Variants in GAD1 observed in about 807,000 individuals in gnomAD.
GAD1 encodes the protein glutamate decarboxylase 1.
A neutral mutation model predicts 75.2 loss-of-function variants in GAD1; 35 were observed. That is an observed-to-expected ratio of 0.47 (90% CI 0.36 to 0.62). GAD1 has a LOEUF of 0.62. Among genes scored for constraint, GAD1 ranks in the 20% least tolerant of loss-of-function variants. The pLI, the probability that GAD1 is intolerant of heterozygous loss-of-function variation, is 0.00. For missense variants in GAD1, 490 were observed against 758.5 expected, an observed-to-expected ratio of 0.65 and a Z score of 4.16; for synonymous variants, 257 against 271.9, an observed-to-expected ratio of 0.95 and a Z score of 0.54.
chr2:170,822,092 G>A lies in GAD1; in HGVS notation c.88G>A (p.Asp30Asn), dbSNP rs112046206. 2.5e-6 allele frequency: 4 copies of A among 1,609,978 alleles called. No homozygotes were observed. The highest frequency in any genetic ancestry group is 3.4e-5 in the Admixed American group (2 of 59,656). The change falls in exon 3 of 17, where the codon GAT (aspartate) becomes AAT (asparagine). Residue 30 changes from aspartate (D) to asparagine (N), a missense_variant. Coordinates refer to ENST00000358196, the MANE Select transcript of GAD1 (RefSeq NM_000817.3). The stretch of plus-strand genomic sequence containing the variant: ...CTCCCTCTCTCTCGTCCTAGCGTAC[G>A]ATACCTGGTGCGGCGTGGCCCATGG... Reference protein sequence around the residue: ...NTTNLRPTTYDTWCGVAHGCT... With the variant: ...NTTNLRPTTYNTWCGVAHGCT...
At chr2:170,819,888 G>A (rs1249328520) in intron 2 of GAD1, among the ~76,000 whole-genome samples, 1 of 152,166 alleles carries the variant, frequency 6.6e-6, no homozygotes, top group Admixed American at 6.5e-5. Context: ...GCTGGCATTG[G>A]CTCCCGGGCA....
rs1446742034 is a variant in GAD1 at position 170,860,802 on chromosome 2, T to A, written c.*920T>A. On this transcript the variant is annotated 3_prime_UTR_variant, in exon 17 of 17. Transcript: ENST00000358196. ...AAGCATTTTACTGTCTGTAAGAGAA[T>A]TCTAAGATTGTACATAAAGTCATAT... 6.5e-6 allele frequency: 1 copy of A among 152,682 alleles called. No individual in the cohort carries two copies. The highest frequency in any genetic ancestry group is 1.9e-4 in the East Asian group (1 of 5,198). 9.5% of individuals were successfully genotyped at this position (152,682 alleles called of 1,614,324 possible). A position where few individuals can be genotyped will look rare whatever the true frequency, so the allele number is the denominator to read the frequency against.
At position 170,817,063 on chromosome 2, in the gene GAD1, G is replaced by T. The variant is rs921616586; in HGVS notation, c.-64+15G>T. 1 of 161,272 alleles carries T rather than the reference G, an allele frequency of 6.2e-6. No homozygotes were observed. The highest frequency in any genetic ancestry group is 1.3e-5 in the Non-Finnish European group (1 of 74,150). 10.0% of individuals were successfully genotyped at this position (161,272 alleles called of 1,614,324 possible). Reference sequence around the variant, plus strand: ...GCAGAGCCGAGGTGGGTAAGCTAGCGACCACCTGGACTTCCCAGCGCCCAA... The same window carrying T: ...GCAGAGCCGAGGTGGGTAAGCTAGCTACCACCTGGACTTCCCAGCGCCCAA... On this transcript the variant is annotated intron_variant, in intron 1 of 16. Coordinates refer to ENST00000358196, the MANE Select transcript of GAD1 (RefSeq NM_000817.3).
upstream of GAD1, among the ~76,000 whole-genome samples, chr2:170,813,635 T>G: frequency 6.6e-6 from 1 of 152,228 alleles, no homozygotes; most frequent in East Asian, 1.9e-4. Context: ...GCAGCCCGTT[T>G]GGGCGCTCCT....
In GAD1 at chr2:170,847,174, A is replaced by G. The variant is rs555949107; in HGVS notation, c.1003-502A>G. 1.1e-4 allele frequency among the ~76,000 whole-genome samples: 16 copies of G among 152,292 alleles called. No individual in the cohort carries two copies. The East Asian group carries it at 2.3e-3, about 22-fold the overall frequency. On this transcript the variant is annotated intron_variant, in intron 10 of 16. Coordinates refer to ENST00000358196, the MANE Select transcript of GAD1 (RefSeq NM_000817.3). Reference sequence around the variant, plus strand: ...CTTTTTTAAATAATTGAACCCCACAATGTTTCAGTATAATTATTATATCAA... The same window carrying G: ...CTTTTTTAAATAATTGAACCCCACAGTGTTTCAGTATAATTATTATATCAA...
rs558737123 is a variant in GAD1, at chr2:170,855,352, G to C, written c.1413+1330G>C. On this transcript the variant is annotated intron_variant, in intron 14 of 16. Coordinates refer to ENST00000358196, the MANE Select transcript of GAD1 (RefSeq NM_000817.3). The stretch of plus-strand genomic sequence containing the variant: ...GCCTTCCAAGTAGCTGAGATTACAG[G>C]CATGCGCCACCATGCCCATCTAATT... Among the ~76,000 whole-genome samples the C allele has an allele frequency of 2.0e-5, 3 of 151,708 alleles. No individual in the cohort carries two copies. In the East Asian group the frequency reaches 5.9e-4, roughly 30 times the overall value.
intron 5 of GAD1, among the ~76,000 whole-genome samples, chr2:170,835,882 T>C: frequency 6.6e-6 from 1 of 152,226 alleles, no homozygotes; most frequent in Non-Finnish European, 1.5e-5. Flanking sequence ...ATCTAGAATA[T>C]GGCCCCATAC....
Position 170,847,810 on chromosome 2 carries a change from C to A in GAD1, c.1119+18C>A. 6.5e-7 allele frequency: 1 copy of A among 1,540,440 alleles called. No homozygotes were observed. The highest frequency in any genetic ancestry group is 9.0e-7 in the Non-Finnish European group (1 of 1,112,734). Reference sequence around the variant, plus strand: ...ATGTCGATGTAAGTGCTATATAACTCAGGCCAGTCCATGTGGGGGGTGGAG... The same window carrying A: ...ATGTCGATGTAAGTGCTATATAACTAAGGCCAGTCCATGTGGGGGGTGGAG... On this transcript the variant is annotated intron_variant, in intron 11 of 16. Coordinates refer to ENST00000358196, the MANE Select transcript of GAD1 (RefSeq NM_000817.3).
intron 3 of GAD1, among the ~76,000 whole-genome samples, chr2:170,825,435 G>A (rs1266393711): frequency 6.6e-6 from 1 of 152,216 alleles, no homozygotes; most frequent in African/African-American, 2.4e-5. Flanking sequence ...CTCCGTCTAT[G>A]CATATGCAAT....
chr2:170,829,609 G>A lies in GAD1; in HGVS notation c.280G>A (p.Asp94Asn). The change falls in exon 4 of 17, where the codon GAC becomes AAC. Residue 94 changes from aspartate to asparagine, a missense_variant. Physicochemically the swap from Asp to Asn is conservative, Grantham distance 23. Around this residue, in one of 3 missense-constraint regions of GAD1, gnomAD observed 165 missense variants for 216.4 expected, o/e 0.76. Coordinates refer to ENST00000358196, the MANE Select transcript of GAD1 (RefSeq NM_000817.3). ...TGCCCGCTTCCGGCGCACAGAGACT[G>A]ACTTCTCTAATCTGTTTGCTAGAGG... The part of the protein sequence containing the change: ...RDARFRRTET[D>N]FSNLFARDLL... 1.9e-6 allele frequency: 3 copies of A among 1,613,508 alleles called. No homozygotes were observed. Among genetic ancestry groups the A allele is most frequent in the Non-Finnish European group, 2.5e-6 (3 of 1,180,034 alleles).
chr2:170,847,783 G>C lies in GAD1; in HGVS notation c.1110G>C (p.Leu370Phe). The C allele has an allele frequency of 6.2e-7, 1 of 1,609,478 alleles. No individual in the cohort carries two copies. The highest frequency in any genetic ancestry group is 8.5e-7 in the Non-Finnish European group (1 of 1,175,742). Residue 370 changes from leucine to phenylalanine, a missense_variant, in exon 11 of 17, where the codon TTG becomes TTC. Leu to Phe is a conservative substitution (Grantham distance 22). Transcript: ENST00000358196. ...TATGTGAGAAATATAACCTTTGGTT[G>C]CATGTCGATGTAAGTGCTATATAAC... ...ADICEKYNLW[L>F]HVDAAWGGGL...
intron 3 of GAD1, among the ~76,000 whole-genome samples, chr2:170,824,950 GTATGTA>G (rs1396500011): frequency 1.3e-5 from 2 of 151,518 alleles, no homozygotes; most frequent in Non-Finnish European, 1.5e-5. Context: ...GTGTGTGTGT[GTATGTA>G]TGTGTGTGTA....
intron 6 of GAD1, among the ~76,000 whole-genome samples, chr2:170,840,206 C>T (rs1182583656): frequency 2.0e-5 from 3 of 152,200 alleles, no homozygotes; most frequent in Non-Finnish European, 4.4e-5. Context: ...TCCTAAGTGC[C>T]TAGCGTATAC....
Position 170,818,781 on chromosome 2 carries a change from G to A in GAD1, c.82+108G>A. On this transcript the variant is annotated intron_variant, in intron 2 of 16. Coordinates refer to ENST00000358196, the MANE Select transcript of GAD1 (RefSeq NM_000817.3). The surrounding 1 kb of genome is among the most constrained non-coding windows in gnomAD (Gnocchi z 5.9). ...AGGGAAGGGGGAGCGCGGAGATAATGGAGGCTGGGAAATAAATGGGGCTCT... is the reference window on the plus strand; with the variant it reads ...AGGGAAGGGGGAGCGCGGAGATAATAGAGGCTGGGAAATAAATGGGGCTCT... The A allele has an allele frequency of 9.3e-7, 1 of 1,072,784 alleles. No homozygotes were observed. Among genetic ancestry groups the A allele is most frequent in the Non-Finnish European group, 1.4e-6 (1 of 693,768 alleles). 66.5% of individuals were successfully genotyped at this position (1,072,784 alleles called of 1,614,324 possible). A position where few individuals can be genotyped will look rare whatever the true frequency, so the allele number is the denominator to read the frequency against.
intron 3 of GAD1, chr2:170,829,000 TCCTCCTCCCTCTGCTGTCCTCAC>T (rs1219023244): frequency 4.6e-5 from 8 of 174,322 alleles, no homozygotes; most frequent in Non-Finnish European, 7.4e-5. Context: ...TCCTCACCTC[TCCTCCTCCCTCTGCTGTCCTCAC>T]CCTCCTCCCT....
chr2:170,845,926 CT>C, intron 9 of GAD1, 82 bp from the exon 10 acceptor site: 1 of 1,486,484 alleles, frequency 6.7e-7, no homozygotes, highest in East Asian at 2.3e-5. Context: ...GATTAAATTG[CT>C]TTTTGCTGCT....
intron 3 of GAD1, among the ~76,000 whole-genome samples, chr2:170,828,174 C>G (rs1265077227): frequency 7.8e-5 from 9 of 115,478 alleles, no homozygotes; most frequent in African/African-American, 2.6e-4. Context: ...TGTCCTCGCC[C>G]TCCTCTCTCT....
At chr2:170,814,971 G>T (rs1187570986), upstream of GAD1, among the ~76,000 whole-genome samples, 1 of 152,166 alleles carries the variant, frequency 6.6e-6, no homozygotes, top group East Asian at 1.9e-4. Context: ...GCGAGCGGGC[G>T]TCTATGCTGG....
chr2:170,833,004 A>AG (rs1702281064), intron 5 of GAD1, among the ~76,000 whole-genome samples: 1 of 152,230 alleles, frequency 6.6e-6, no homozygotes, highest in African/African-American at 2.4e-5. Flanking sequence ...CTGAGCTCTC[A>AG]GGCAGACAGA....
Sources: gnomAD v4.1 joint callset for allele counts (sites outside exome capture counted in the v4.1 genomes callset) on GRCh38, gnomAD v4.1.1 for gene constraint, gnomAD v4.1.1 regional missense constraint, Gnocchi (gnomAD v3.1) non-coding constraint, MANE v1.5 for transcripts, NCBI Gene and HGNC (gene_info 2026-07-23, HGNC 2026-07-21) for gene names.